CWH43: variants seen among roughly 807,000 people sequenced by gnomAD.
CWH43 encodes the protein PGAP2-interacting protein.
CWH43 carries 91 observed loss-of-function variants against 85.7 expected under a neutral mutation model. That is an observed-to-expected ratio of 1.06 (90% CI 0.90 to 1.26). CWH43 has a LOEUF of 1.26. Among genes scored for constraint, CWH43 ranks in the 50% most tolerant of loss-of-function variants. The probability of loss-of-function intolerance (pLI) is 0.00; values close to 1 mark genes in which losing one functional copy is unlikely to be tolerated. For missense variants in CWH43, 869 were observed against 839.2 expected (o/e 1.04, Z -0.44); for synonymous variants, 323 against 293.6 (o/e 1.10, Z -1.02).
chr4:49,048,340 G>A (rs1374117328), intron 14 of CWH43, among the ~76,000 whole-genome samples: 2 of 150,122 alleles, frequency 1.3e-5, no homozygotes, highest in Non-Finnish European at 3.0e-5. Flanking sequence ...ATCACTCTGT[G>A]TGTATATATA....
intron 7 of CWH43, among the ~76,000 whole-genome samples, chr4:49,004,386 G>A (rs578031718): frequency 6.6e-6 from 1 of 152,090 alleles, no homozygotes; most frequent in Non-Finnish European, 1.5e-5. Context: ...GTGATTTTTT[G>A]GGGTTCCCCT....
At chr4:49,030,731 A>G (rs1307979133) in intron 10 of CWH43, 94 bp from the exon 11 acceptor site, 109 of 1,228,764 alleles carry the variant, frequency 8.9e-5, no homozygotes, top group Non-Finnish European at 1.1e-4. Context: ...ATCAGTAAAG[A>G]AAAAAAGGTT....
chr4:49,012,224 G>C (rs1480837840), intron 8 of CWH43, among the ~76,000 whole-genome samples: 3 of 151,960 alleles, frequency 2.0e-5, no homozygotes, highest in Non-Finnish European at 4.4e-5. Context: ...TCATTAATTT[G>C]ATCTTCAATC....
intron 4 of CWH43, 147 bp from the exon 5 acceptor site, chr4:48,994,472 A>G (rs1782749330): frequency 1.5e-6 from 1 of 651,458 alleles, no homozygotes; most frequent in South Asian, 1.9e-5. Flanking sequence ...GTTTAGCTTC[A>G]TATTGTAGTT....
intron 5 of CWH43, among the ~76,000 whole-genome samples, chr4:48,996,972 T>C (rs1282466303): frequency 6.6e-6 from 1 of 152,246 alleles, no homozygotes; most frequent in African/African-American, 2.4e-5. Context: ...AAAATGCTTC[T>C]ACATCAAATA....
At position 49,032,183 on chromosome 4, in the gene CWH43, G is replaced by A. The variant is rs1172093677; in HGVS notation, c.1509-383G>A. Among the ~76,000 whole-genome samples, 9 of 152,200 alleles carry A rather than the reference G, an allele frequency of 5.9e-5. No individual in the cohort carries two copies. In the South Asian group the frequency reaches 1.7e-3, roughly 28 times the overall value. ...CAGTTTTTCATTTCTAATTTTGTAA[G>A]TTGTTACTCCATGTTCTAGCTGGCA... On this transcript the variant is annotated intron_variant, in intron 11 of 15. Coordinates refer to ENST00000226432, the MANE Select transcript of CWH43 (RefSeq NM_025087.3).
chr4:49,010,661 T>G (rs1485202201), intron 8 of CWH43, among the ~76,000 whole-genome samples: 1 of 152,204 alleles, frequency 6.6e-6, no homozygotes, highest in African/African-American at 2.4e-5. Context: ...GTCCCAGAGA[T>G]TCTTGTACAT....
At chr4:49,031,665 G>T (rs1290737791) in intron 11 of CWH43, among the ~76,000 whole-genome samples, 2 of 152,190 alleles carry the variant, frequency 1.3e-5, no homozygotes, top group East Asian at 1.9e-4. Context: ...AAGAGTGGGA[G>T]CCAGGAGGCA....
Position 49,038,023 on chromosome 4 carries a change from T to C in CWH43, c.1659-13T>C, listed in dbSNP as rs150814341. ...ACAAATACAATAAAGGGTCATATTTTTACATTTTTTAGAGATGACCTCGAC... is the reference window on the plus strand; with the variant it reads ...ACAAATACAATAAAGGGTCATATTTCTACATTTTTTAGAGATGACCTCGAC... On this transcript the variant is annotated splice_polypyrimidine_tract_variant and intron_variant, in intron 12 of 15. Coordinates refer to ENST00000226432, the MANE Select transcript of CWH43 (RefSeq NM_025087.3). 7.9e-5 allele frequency: 126 copies of C among 1,589,434 alleles called. 1 individual carries two copies. The highest frequency in any genetic ancestry group is 1.0e-4 in the Non-Finnish European group (120 of 1,171,726).
chr4:49,000,740 C>T (rs1234505770), intron 6 of CWH43, among the ~76,000 whole-genome samples: 1 of 152,170 alleles, frequency 6.6e-6, no homozygotes, highest in African/African-American at 2.4e-5. Context: ...AACCTACCGT[C>T]TTATGCTTAT....
intron 9 of CWH43, among the ~76,000 whole-genome samples, chr4:49,022,223 T>A (rs1783772083): frequency 6.6e-6 from 1 of 152,150 alleles, no homozygotes; most frequent in Admixed American, 6.5e-5. Context: ...GGTGTGACCT[T>A]TCTATGCCGA....
chr4:49,040,381 A>G (rs1028396818), intron 13 of CWH43, among the ~76,000 whole-genome samples: 1 of 152,062 alleles, frequency 6.6e-6, no homozygotes, highest in Non-Finnish European at 1.5e-5. Context: ...AAGTGTTCCT[A>G]TTTCTCCACA....
Position 49,058,029 on chromosome 4 carries a change from A to T in CWH43, c.2022-3783A>T, listed in dbSNP as rs1053746505. Among the ~76,000 whole-genome samples the T allele has an allele frequency of 1.7e-4, 26 of 152,032 alleles. 1 individual carries two copies. The highest frequency in any genetic ancestry group is 6.6e-5 in the Admixed American group (1 of 15,266). On this transcript the variant is annotated intron_variant, in intron 15 of 15. Transcript: ENST00000226432. Reference sequence around the variant, plus strand: ...AAGTGAGTTTTTTTTATAGGCAGCAATTTCTTATAACTTATTTTTTTCACT... The same window carrying T: ...AAGTGAGTTTTTTTTATAGGCAGCATTTTCTTATAACTTATTTTTTTCACT...
intron 9 of CWH43, among the ~76,000 whole-genome samples, chr4:49,022,443 C>T (rs1173931178): frequency 2.0e-5 from 3 of 152,106 alleles, no homozygotes; most frequent in African/African-American, 7.2e-5. Flanking sequence ...CTGGTGGATT[C>T]AGTTTGCTAG....
At chr4:48,990,394 G>A (rs533143365) in intron 2 of CWH43, among the ~76,000 whole-genome samples, 8 of 152,226 alleles carry the variant, frequency 5.3e-5, no homozygotes, top group East Asian at 3.9e-4. Flanking sequence ...AGTAAGCCAC[G>A]ATTTGTCTTA....
chr4:49,055,392 T>C (rs577410665), intron 15 of CWH43, among the ~76,000 whole-genome samples: 1 of 152,264 alleles, frequency 6.6e-6, no homozygotes, highest in South Asian at 2.1e-4. Context: ...TAAGGTACTG[T>C]TGAATTCAGT....
intron 6 of CWH43, 50 bp from the exon 7 acceptor site, chr4:49,003,682 ATCC>A (rs778279971): frequency 4.1e-5 from 65 of 1,596,368 alleles, no homozygotes; most frequent in South Asian, 9.1e-5. Context: ...TAAATTGGTC[ATCC>A]TCTAAGCTCG....
intron 8 of CWH43, among the ~76,000 whole-genome samples, chr4:49,009,984 G>C (rs1387914337): frequency 6.6e-6 from 1 of 152,152 alleles, no homozygotes; most frequent in Non-Finnish European, 1.5e-5. Context: ...GATGATGCTG[G>C]TCTCATAAAA....
chr4:49,031,962 G>A (rs1056154568), intron 11 of CWH43, among the ~76,000 whole-genome samples: 1 of 152,180 alleles, frequency 6.6e-6, no homozygotes, highest in African/African-American at 2.4e-5. Flanking sequence ...GTAGGCAGTT[G>A]GGTATGGCCT....
Sources: gnomAD v4.1 joint callset for allele counts (sites outside exome capture counted in the v4.1 genomes callset) on GRCh38, gnomAD v4.1.1 for gene constraint, MANE v1.5 for transcripts, NCBI Gene and HGNC (gene_info 2026-07-23, HGNC 2026-07-21) for gene names.